The following ATP6V1E1 variants were observed in gnomAD, a reference collection of about 807,000 sequenced individuals.
The protein encoded by ATP6V1E1 is ATPase H+ transporting V1 subunit E1.
Under a neutral mutation model 35.2 loss-of-function variants are expected in ATP6V1E1, and 21 were observed. That is an observed-to-expected ratio of 0.60 (90% CI 0.42 to 0.86). The LOEUF is 0.86. ATP6V1E1 is among the 40% of genes least tolerant of loss of function. ATP6V1E1 has a pLI of 0.00. For missense variants in ATP6V1E1, 183 were observed against 272.6 expected (o/e 0.67, Z 2.32); for synonymous variants, 83 against 87.8 (o/e 0.95, Z 0.30).
At chr22:17,602,224 T>A (rs563258254) in intron 4 of ATP6V1E1, among the ~76,000 whole-genome samples, 1 of 152,112 alleles carries the variant, frequency 6.6e-6, no homozygotes, top group Non-Finnish European at 1.5e-5. Flanking sequence ...TCTTGGTTAG[T>A]TTGTATTTTC....
chr22:17,615,971 G>A (rs1281697909), intron 2 of ATP6V1E1, among the ~76,000 whole-genome samples: 2 of 151,582 alleles, frequency 1.3e-5, no homozygotes, highest in Non-Finnish European at 2.9e-5. Context: ...GGCAGAGGTT[G>A]CGGTGTGCTG....
At chr22:17,598,802 T>A (rs2057746552) in intron 6 of ATP6V1E1, among the ~76,000 whole-genome samples, 1 of 152,160 alleles carries the variant, frequency 6.6e-6, no homozygotes, top group African/African-American at 2.4e-5. Flanking sequence ...TACCACATGA[T>A]CCAGCAATTC....
At chr22:17,621,395 C>T (rs1205245215) in intron 1 of ATP6V1E1, among the ~76,000 whole-genome samples, 1 of 152,264 alleles carries the variant, frequency 6.6e-6, no homozygotes, top group Non-Finnish European at 1.5e-5. Context: ...TTTTGACCTC[C>T]GCCTTCTACA....
chr22:17,601,699 T>C (rs1440976334), intron 4 of ATP6V1E1, among the ~76,000 whole-genome samples: 1 of 152,040 alleles, frequency 6.6e-6, no homozygotes, highest in African/African-American at 2.4e-5. Flanking sequence ...CCTCCACCCA[T>C]GGGTTCAAGC....
intron 2 of ATP6V1E1, among the ~76,000 whole-genome samples, chr22:17,617,312 CAG>C (rs1476420720): frequency 2.6e-5 from 4 of 152,014 alleles, no homozygotes; most frequent in South Asian, 4.1e-4. Context: ...TTTCTTGAGA[CAG>C]AGTCTTACTC....
Position 17,612,947 on chromosome 22 carries a change from G to A in ATP6V1E1, c.210-69C>T, listed in dbSNP as rs1290368941. 6.2e-6 allele frequency: 9 copies of A among 1,441,708 alleles called. No individual in the cohort carries two copies. The Admixed American group carries it at 8.0e-5, about 13-fold the overall frequency. 89.3% of individuals were successfully genotyped at this position (1,441,708 alleles called of 1,614,324 possible). A position where few individuals can be genotyped will look rare whatever the true frequency, so the allele number is the denominator to read the frequency against. On this transcript the variant is annotated intron_variant, in intron 3 of 8. Transcript: ENST00000253413. Reference sequence around the variant, plus strand: ...CTGTAGAGAAAGAATTCGAACTCCTGGGCTCAAGCAATCCTCCTCCCTTGG... The same window carrying A: ...CTGTAGAGAAAGAATTCGAACTCCTAGGCTCAAGCAATCCTCCTCCCTTGG...
At chr22:17,614,667 TAAAAA>T (rs200743259) in intron 2 of ATP6V1E1, among the ~76,000 whole-genome samples, 1 of 130,730 alleles carries the variant, frequency 7.6e-6, no homozygotes, top group African/African-American at 2.8e-5. Flanking sequence ...AGCGAACTCT[TAAAAA>T]AAAAAAAAAA....
At chr22:17,608,775 AT>A (rs1216595279) in intron 4 of ATP6V1E1, among the ~76,000 whole-genome samples, 28 of 152,190 alleles carry the variant, frequency 1.8e-4, no homozygotes, top group Non-Finnish European at 3.5e-4. Context: ...TTGGAAAACT[AT>A]CCTAAGTTGA....
intron 1 of ATP6V1E1, among the ~76,000 whole-genome samples, chr22:17,623,680 AC>A (rs2057889456): frequency 6.6e-6 from 1 of 152,028 alleles, no homozygotes; most frequent in South Asian, 2.1e-4. Context: ...AAGTCATTTA[AC>A]TAAATACAGT....
chr22:17,610,513 T>TA (rs5844320), intron 4 of ATP6V1E1, among the ~76,000 whole-genome samples: 52,857 of 151,962 alleles, frequency 0.35, 9,541 homozygotes, highest in African/African-American at 0.41. Context: ...AAAGGTGGCA[T>TA]AAAAAACAAA....
At chr22:17,596,132 A>AAAAT (rs563541510) in intron 7 of ATP6V1E1, among the ~76,000 whole-genome samples, 1,544 of 151,868 alleles carry the variant, frequency 0.01, 9 homozygotes, top group African/African-American at 0.03. Flanking sequence ...TCTGTCTCAA[A>AAAAT]AAATAAATAA....
At chr22:17,626,747 C>A (rs2057908013) in intron 1 of ATP6V1E1, among the ~76,000 whole-genome samples, 1 of 152,292 alleles carries the variant, frequency 6.6e-6, no homozygotes, top group East Asian at 1.9e-4. Flanking sequence ...CCAGGCTGGT[C>A]TGGAACTCCT....
At chr22:17,594,067 T>C (rs192979995) in intron 8 of ATP6V1E1, among the ~76,000 whole-genome samples, 1 of 152,232 alleles carries the variant, frequency 6.6e-6, no homozygotes, top group East Asian at 1.9e-4. Context: ...CCGGGTGTGG[T>C]GGCAGGTGCC....
chr22:17,604,152 G>C (rs1289811439), intron 4 of ATP6V1E1, among the ~76,000 whole-genome samples: 1 of 152,104 alleles, frequency 6.6e-6, no homozygotes, highest in Non-Finnish European at 1.5e-5. Flanking sequence ...TGTCACCACG[G>C]GAGAGAAAGG....
At chr22:17,611,829 G>A (rs1346143238) in intron 4 of ATP6V1E1, among the ~76,000 whole-genome samples, 3 of 152,168 alleles carry the variant, frequency 2.0e-5, no homozygotes, top group African/African-American at 7.2e-5. Context: ...AATAAGAACT[G>A]ACAACTTGGA....
intron 4 of ATP6V1E1, among the ~76,000 whole-genome samples, chr22:17,603,429 T>C (rs2057771279): frequency 6.6e-6 from 1 of 151,826 alleles, no homozygotes; most frequent in East Asian, 1.9e-4. Context: ...GGTGCAAGAA[T>C]CCCTTGAGTC....
intron 1 of ATP6V1E1, among the ~76,000 whole-genome samples, chr22:17,621,101 A>G (rs1032006777): frequency 6.6e-6 from 1 of 151,908 alleles, no homozygotes; most frequent in Non-Finnish European, 1.5e-5. Flanking sequence ...ACCTCGCTCC[A>G]TCATCGGAGG....
chr22:17,615,407 G>C (rs2057838846), intron 2 of ATP6V1E1, among the ~76,000 whole-genome samples: 2 of 152,150 alleles, frequency 1.3e-5, no homozygotes, highest in Non-Finnish European at 2.9e-5. Flanking sequence ...CACTTTGGGA[G>C]GCCGAGGTAG....
intron 1 of ATP6V1E1, among the ~76,000 whole-genome samples, chr22:17,619,741 T>C (rs551433488): frequency 6.6e-6 from 1 of 152,244 alleles, no homozygotes; most frequent in South Asian, 2.1e-4. Context: ...AAAAAGTCAA[T>C]CACTTACTGA....
Sources: allele counts gnomAD v4.1 joint callset (sites outside exome capture counted in the v4.1 genomes callset), GRCh38; gene constraint gnomAD v4.1.1; transcripts MANE v1.5; gene names NCBI Gene and HGNC (gene_info 2026-07-23, HGNC 2026-07-21).